The following DOCK4 variants were observed in gnomAD, a reference collection of about 807,000 sequenced individuals.
The protein encoded by DOCK4 is dedicator of cytokinesis 4.
In DOCK4, 97 loss-of-function variants were observed where a neutral mutation model predicts 268.1. The observed-to-expected ratio is 0.36, with a 90% CI of 0.31 to 0.43. DOCK4 has a LOEUF of 0.43. DOCK4 is among the 20% of genes least tolerant of loss of function. DOCK4 has a pLI of 1.00. For missense variants in DOCK4, 2,145 were observed against 2,455.7 expected (o/e 0.87, Z 2.67); for synonymous variants, 954 against 887.2 (o/e 1.08, Z -1.34).
chr7:111,783,720 T>C, intron 34 of DOCK4, 137 bp downstream of exon 34: 1 of 751,530 alleles, frequency 1.3e-6, no homozygotes, highest in Non-Finnish European at 2.2e-6. Flanking sequence ...AAGTTCATTA[T>C]CTTAGTATAC....
chr7:112,092,632 C>T (rs1809739731), intron 1 of DOCK4, among the ~76,000 whole-genome samples: 2 of 152,264 alleles, frequency 1.3e-5, no homozygotes, highest in African/African-American at 2.4e-5. Flanking sequence ...AAGTGAAAAA[C>T]AGTTTCTCCA....
chr7:111,881,259 A>G lies in DOCK4; in HGVS notation c.1588-4073T>C, dbSNP rs555028002. On this transcript the variant is annotated intron_variant, in intron 16 of 52. Transcript: ENST00000428084. ...CTAATAATCCGATTGAGAAATGGAC[A>G]AAATATTTGAATAGACATTTCTCAA... Among the ~76,000 whole-genome samples, 4 of 152,358 alleles carry G rather than the reference A, an allele frequency of 2.6e-5. No individual in the cohort carries two copies. In the East Asian group the frequency reaches 7.7e-4, roughly 29 times the overall value.
intron 17 of DOCK4, among the ~76,000 whole-genome samples, chr7:111,875,316 T>A (rs1016300966): frequency 5.9e-5 from 9 of 152,262 alleles, no homozygotes; most frequent in Non-Finnish European, 8.8e-5. Flanking sequence ...AAGTAGCAAC[T>A]TCTAATTTTC....
At chr7:111,896,266 T>C (rs1808738533) in intron 15 of DOCK4, among the ~76,000 whole-genome samples, 1 of 152,156 alleles carries the variant, frequency 6.6e-6, no homozygotes, top group Non-Finnish European at 1.5e-5. Context: ...TTAGGCACGT[T>C]GAAAGACAAT....
At chr7:112,098,495 T>C (rs990170653) in intron 1 of DOCK4, among the ~76,000 whole-genome samples, 4 of 150,428 alleles carry the variant, frequency 2.7e-5, no homozygotes, top group African/African-American at 9.7e-5. Context: ...ATATATCTTA[T>C]AGTTAAATTA....
At chr7:111,977,045 C>T (rs865884171) in intron 8 of DOCK4, 87 bp downstream of exon 8, 2 of 1,421,618 alleles carry the variant, frequency 1.4e-6, no homozygotes, top group African/African-American at 1.4e-5. Context: ...AAAAAATATA[C>T]AAGATATATA....
chr7:111,867,969 A>G lies in DOCK4; in HGVS notation c.2280+15T>C, dbSNP rs748455137. ...TATCGTTTTCTTCTATTCAGCATAG[A>G]TGAAAAGAAATTACCTGTGACTGAG... On this transcript the variant is annotated intron_variant, in intron 22 of 52. Transcript: ENST00000428084. The G allele has an allele frequency of 1.3e-6, 2 of 1,572,424 alleles. No individual in the cohort carries two copies. Among genetic ancestry groups the G allele is most frequent in the African/African-American group, 2.7e-5 (2 of 72,894 alleles).
intron 23 of DOCK4, among the ~76,000 whole-genome samples, chr7:111,862,589 C>G (rs1204243723): frequency 1.4e-5 from 2 of 140,924 alleles, no homozygotes; most frequent in African/African-American, 5.2e-5. Context: ...CTTCCAGGTT[C>G]AAGCAACTCT....
intron 26 of DOCK4, among the ~76,000 whole-genome samples, chr7:111,834,109 G>A (rs1803056065): frequency 6.6e-6 from 1 of 152,114 alleles, no homozygotes; most frequent in Non-Finnish European, 1.5e-5. Context: ...TGTCAGAGTA[G>A]CACAGCATAT....
At chr7:111,950,506 A>G (rs574128944) in intron 8 of DOCK4, among the ~76,000 whole-genome samples, 3 of 152,228 alleles carry the variant, frequency 2.0e-5, no homozygotes, top group Non-Finnish European at 1.5e-5. Flanking sequence ...ACTAGAATAC[A>G]GGCCCATGAG....
At chr7:111,743,786 C>CT (rs946612292) in intron 44 of DOCK4, among the ~76,000 whole-genome samples, 2 of 152,168 alleles carry the variant, frequency 1.3e-5, no homozygotes, top group Admixed American at 1.3e-4. Flanking sequence ...CTGCCAAACC[C>CT]AAGGGACCTC....
rs1390132444 is a variant in DOCK4 at position 111,865,244 on chromosome 7, G to C, written c.2281-1680C>G. On this transcript the variant is annotated intron_variant, in intron 22 of 52. Coordinates refer to ENST00000428084, the MANE Select transcript of DOCK4 (RefSeq NM_001363540.2). ...TAAGAACCACTGCTGTACCAGGTGG[G>C]TTAGCCCTTAGTCCTTCCAGGACAG... is the stretch of plus-strand genomic sequence containing the variant. 2.6e-5 allele frequency among the ~76,000 whole-genome samples: 4 copies of C among 152,298 alleles called. No homozygotes were observed. The East Asian group carries it at 7.7e-4, about 29-fold the overall frequency.
chr7:111,851,921 A>T (rs530518809), intron 23 of DOCK4, among the ~76,000 whole-genome samples: 1 of 150,750 alleles, frequency 6.6e-6, no homozygotes, highest in East Asian at 1.9e-4. Flanking sequence ...AAGCATCCAC[A>T]ACTGTGAAAG....
chr7:112,197,996 GTTCTT>G (rs1328136237), intron 1 of DOCK4, among the ~76,000 whole-genome samples: 1 of 148,008 alleles, frequency 6.8e-6, no homozygotes, highest in East Asian at 2.0e-4. Flanking sequence ...AAAAAAGTTG[GTTCTT>G]TTGTTGAATG....
At chr7:111,856,732 G>C (rs573418711) in intron 23 of DOCK4, among the ~76,000 whole-genome samples, 198 of 152,288 alleles carry the variant, frequency 1.3e-3, no homozygotes, top group Non-Finnish European at 2.2e-3. Context: ...GAACCAGAGG[G>C]GAATACGGGT....
intron 10 of DOCK4, 45 bp from the exon 11 acceptor site, chr7:111,940,287 T>G (rs775137748): frequency 4.3e-6 from 7 of 1,612,794 alleles, no homozygotes; most frequent in Non-Finnish European, 5.9e-6. Flanking sequence ...GCCATTTGAT[T>G]AGATGCATCT....
intron 1 of DOCK4, among the ~76,000 whole-genome samples, chr7:112,046,102 C>T (rs1173978083): frequency 6.6e-6 from 1 of 152,116 alleles, no homozygotes; most frequent in African/African-American, 2.4e-5. Context: ...TCAAAACATC[C>T]TTATCATTTG....
chr7:112,147,415 A>C (rs1232257412), intron 1 of DOCK4, among the ~76,000 whole-genome samples: 3 of 152,190 alleles, frequency 2.0e-5, no homozygotes, highest in Admixed American at 2.0e-4. Flanking sequence ...GTGCATGTCT[A>C]CCACCTTTAG....
intron 1 of DOCK4, among the ~76,000 whole-genome samples, chr7:112,191,719 G>A (rs969238161): frequency 2.6e-5 from 4 of 151,998 alleles, no homozygotes; most frequent in Admixed American, 2.0e-4. Flanking sequence ...GGACAGATGA[G>A]TGCCTGAATC....
Sources: allele counts gnomAD v4.1 joint callset (sites outside exome capture counted in the v4.1 genomes callset), GRCh38; gene constraint gnomAD v4.1.1; transcripts MANE v1.5; gene names NCBI Gene and HGNC (gene_info 2026-07-23, HGNC 2026-07-21).